Variants in NLRC4 observed in about 807,000 individuals in gnomAD.
The protein encoded by NLRC4 is NLR family CARD domain containing 4.
Under a neutral mutation model 79.9 loss-of-function variants are expected in NLRC4, and 63 were observed. The ratio of observed to expected loss-of-function variants is 0.79; its 90% CI spans 0.64 to 0.97. The LOEUF (loss-of-function observed/expected upper bound fraction) is 0.97, where lower values mean the gene tolerates loss of function less well. Among genes scored for constraint, NLRC4 ranks in the 50% least tolerant of loss-of-function variants. The pLI is 0.00. For missense variants in NLRC4, 1,074 were observed against 1,215.2 expected (o/e 0.88, Z 1.73); for synonymous variants, 461 against 456.5 (o/e 1.01, Z -0.12).
intron 4 of NLRC4, among the ~76,000 whole-genome samples, chr2:32,243,953 G>T (rs1187195953): frequency 6.6e-6 from 1 of 151,438 alleles, no homozygotes; most frequent in Non-Finnish European, 1.5e-5. Flanking sequence ...GAAAACACAT[G>T]TGACATAATC....
At chr2:32,233,345 ATATATTT>A (rs1392579508) in intron 8 of NLRC4, among the ~76,000 whole-genome samples, 13,310 of 61,726 alleles carry the variant, frequency 0.22, 712 homozygotes, top group Non-Finnish European at 0.24. Flanking sequence ...ATATATATAT[ATATATTT>A]TTTTTTTTTT....
chr2:32,261,848 T>C (rs1265340), intron 1 of NLRC4, among the ~76,000 whole-genome samples: 90,906 of 151,316 alleles, frequency 0.6, 27,645 homozygotes, highest in African/African-American at 0.62. Flanking sequence ...TTTGGGAGGC[T>C]GAGGCAGGTG....
chr2:32,226,164 A>G (rs543752987), intron 8 of NLRC4, among the ~76,000 whole-genome samples: 3 of 152,196 alleles, frequency 2.0e-5, no homozygotes, highest in Non-Finnish European at 4.4e-5. Context: ...TTGTCCGACC[A>G]GCTTACGTGG....
Position 32,238,117 on chromosome 2 carries a change from G to A in NLRC4, c.2521+15C>T. The A allele has an allele frequency of 6.2e-7, 1 of 1,603,516 alleles. No individual in the cohort carries two copies. The highest frequency in any genetic ancestry group is 8.5e-7 in the Non-Finnish European group (1 of 1,172,726). On this transcript the variant is annotated intron_variant, in intron 6 of 8. Coordinates refer to ENST00000402280, the MANE Select transcript of NLRC4 (RefSeq NM_001199138.2). ...GTTATACTGTCCTCATTCAGTTAAT[G>A]GAAGCAACAGTTACCTAGGATTTTC...
At chr2:32,259,131 T>A (rs1025440303) in intron 1 of NLRC4, among the ~76,000 whole-genome samples, 4 of 152,066 alleles carry the variant, frequency 2.6e-5, no homozygotes, top group African/African-American at 9.7e-5. Context: ...GGTCTCACTC[T>A]GTCACCCAGG....
rs1192731006 is a variant in NLRC4, at chr2:32,250,103, G to A, written c.1761C>T (p.Asn587=). ...AFFQGKSLYI[N]SGNIPDYLFD... ...ATAAGTAATCGGGGATGTTCCCTGA[G>A]TTGATATATAAGCTTTTACCTTGAA... The change falls in exon 4 of 9, where the codon AAC becomes AAT. Residue 587 remains asparagine, a synonymous_variant. Transcript: ENST00000402280. The surrounding 1 kb of genome is among the most constrained non-coding windows in gnomAD (Gnocchi z 4.9). 6.2e-7 allele frequency: 1 copy of A among 1,614,182 alleles called. No individual in the cohort carries two copies. Among genetic ancestry groups the A allele is most frequent in the Non-Finnish European group, 8.5e-7 (1 of 1,179,994 alleles).
At chr2:32,255,125 C>G (rs1201673111) in intron 2 of NLRC4, among the ~76,000 whole-genome samples, 3 of 151,950 alleles carry the variant, frequency 2.0e-5, no homozygotes, top group South Asian at 2.1e-4. Context: ...AGTCCCATCT[C>G]TCTCCTTCTG....
chr2:32,236,102 A>T, intron 7 of NLRC4, 145 bp downstream of exon 7: 2 of 539,960 alleles, frequency 3.7e-6, no homozygotes, highest in Non-Finnish European at 6.5e-6. Flanking sequence ...AGGGCAGTTT[A>T]AGAAAGGCCT....
At chr2:32,224,897 C>T (rs969547996) in intron 8 of NLRC4, 132 bp from the exon 9 acceptor site, 1 of 557,914 alleles carries the variant, frequency 1.8e-6, no homozygotes, top group Non-Finnish European at 3.1e-6. Context: ...TGCTTTGCCT[C>T]AGAAAGAAAT....
intron 1 of NLRC4, among the ~76,000 whole-genome samples, chr2:32,264,451 A>G (rs1687422471): frequency 6.6e-6 from 1 of 151,174 alleles, no homozygotes; most frequent in Non-Finnish European, 1.5e-5. Flanking sequence ...AAAAAAAAAA[A>G]AGAGTGAGTT....
rs1446296735 is a variant in NLRC4 at position 32,228,999 on chromosome 2, C to G, written c.2783-4234G>C. Reference sequence around the variant, plus strand: ...CAGGCTGGTTTTGAACTCCTGACCTCAAGTGATACACCCACCTTGGCCTCA... The same window carrying G: ...CAGGCTGGTTTTGAACTCCTGACCTGAAGTGATACACCCACCTTGGCCTCA... On this transcript the variant is annotated intron_variant, in intron 8 of 8. Transcript: ENST00000402280. Among the ~76,000 whole-genome samples, 3 of 151,822 alleles carry G rather than the reference C, an allele frequency of 2.0e-5. No homozygotes were observed. In the East Asian group the frequency reaches 5.8e-4, roughly 30 times the overall value.
Position 32,250,898 on chromosome 2 carries a change from C to A in NLRC4, c.966G>T (p.Leu322Phe). ...VLIKELAEGLLLQIQKSRCLR... is the reference protein window; with the variant it reads ...VLIKELAEGLFLQIQKSRCLR... The stretch of plus-strand genomic sequence containing the variant: ...AGCACCTGGATTTCTGAATTTGGAG[C>A]AACAAGCCTTCAGCAAGCTCCTTGA... The change falls in exon 4 of 9, where the codon TTG becomes TTT. Residue 322 changes from leucine (L) to phenylalanine (F), a missense_variant. Physicochemically the swap from Leu to Phe is conservative, Grantham distance 22. Coordinates refer to ENST00000402280, the MANE Select transcript of NLRC4 (RefSeq NM_001199138.2). This position sits in a 1 kb window ranked among gnomAD's most constrained non-coding sequence, Gnocchi z 4.9. 3 of 1,614,134 alleles carry A rather than the reference C, an allele frequency of 1.9e-6. No homozygotes were observed. In the South Asian group the frequency reaches 3.3e-5, roughly 18 times the overall value.
intron 8 of NLRC4, among the ~76,000 whole-genome samples, chr2:32,233,705 CAT>C (rs1279282106): frequency 3.3e-5 from 5 of 152,192 alleles, no homozygotes; most frequent in South Asian, 2.1e-4. Context: ...TGTGGCCTAA[CAT>C]GTGGTCTATC....
chr2:32,239,549 A>T (rs779604768), intron 5 of NLRC4, among the ~76,000 whole-genome samples: 1 of 152,166 alleles, frequency 6.6e-6, no homozygotes, highest in Non-Finnish European at 1.5e-5. Flanking sequence ...AGCGTTAGGG[A>T]TCATTATATC....
rs36105309 is a variant in NLRC4 at position 32,240,401 on chromosome 2, C to CAA, written c.2350+630_2350+631dup. ...GGACTCAAGTAGGGAAAAAAAGAGC[C>CAA]AAAAAAAAAAAAAAAAAAAATCCAA... On this transcript the variant is annotated intron_variant, in intron 5 of 8. Transcript: ENST00000402280. 2.5e-4 allele frequency among the ~76,000 whole-genome samples: 30 copies of CAA among 118,178 alleles called. 1 individual carries two copies. The highest frequency in any genetic ancestry group is 1.4e-3 in the East Asian group (5 of 3,692). 77.5% of individuals were successfully genotyped at this position (118,178 alleles called of 152,430 possible).
Position 32,250,699 on chromosome 2 carries a change from T to A in NLRC4, c.1165A>T (p.Ser389Cys). ...KGVAASDFIR[S>C]LDHCGDLALE... Reference sequence around the variant, plus strand: ...GCTAGGTCTCCACAGTGGTCCAGGCTCCGAATGAAGTCACTTGCAGCCACA... The same window carrying A: ...GCTAGGTCTCCACAGTGGTCCAGGCACCGAATGAAGTCACTTGCAGCCACA... Residue 389 changes from serine to cysteine, a missense_variant, in exon 4 of 9, where the codon AGC becomes TGC. By Grantham distance (112) the Ser-to-Cys change is moderately radical. Transcript: ENST00000402280. The surrounding 1 kb of genome is among the most constrained non-coding windows in gnomAD (Gnocchi z 4.9). The A allele has an allele frequency of 6.2e-7, 1 of 1,614,226 alleles. No individual in the cohort carries two copies. Among genetic ancestry groups the A allele is most frequent in the Non-Finnish European group, 8.5e-7 (1 of 1,180,036 alleles).
At position 32,238,240 on chromosome 2, in the gene NLRC4, C is replaced by T; in HGVS notation, c.2413G>A (p.Gly805Arg). 2 of 1,613,088 alleles carry T rather than the reference C, an allele frequency of 1.2e-6. No individual in the cohort carries two copies. Among genetic ancestry groups the T allele is most frequent in the South Asian group, 1.1e-5 (1 of 90,820 alleles). ...LFHLTHLSDI[G>R]EGMDYIVKSL... ...TTGACTATGTAATCCATTCCCTCTC[C>T]AATGTCAGACAAGTGGGTCAAATGA... The change falls in exon 6 of 9, where the codon GGA becomes AGA. Residue 805 changes from glycine to arginine, a missense_variant. Coordinates refer to ENST00000402280, the MANE Select transcript of NLRC4 (RefSeq NM_001199138.2).
At chr2:32,233,811 G>A (rs146598414) in intron 8 of NLRC4, among the ~76,000 whole-genome samples, 2,021 of 152,270 alleles carry the variant, frequency 0.013, 23 homozygotes, top group Middle Eastern at 0.027. Flanking sequence ...GGTGTATAGT[G>A]CAGATTAAGT....
rs1686788451 is a variant in NLRC4, at chr2:32,241,070, A to T, written c.2313T>A (p.Asp771Glu). The change falls in exon 5 of 9, where the codon GAT becomes GAA. Residue 771 changes from aspartate (D) to glutamate (E), a missense_variant. Transcript: ENST00000402280. ...NLKNLTKLIMDNIKMNEEDAI... is the reference protein window; with the variant it reads ...NLKNLTKLIMENIKMNEEDAI... ...CATCTTCTTCATTCATCTTTATGTTATCCATTATGAGCTTTGTAAGGTTCT... is the reference window on the plus strand; with the variant it reads ...CATCTTCTTCATTCATCTTTATGTTTTCCATTATGAGCTTTGTAAGGTTCT... 5.0e-6 allele frequency: 8 copies of T among 1,609,280 alleles called. No homozygotes were observed. The highest frequency in any genetic ancestry group is 6.8e-6 in the Non-Finnish European group (8 of 1,176,386).
Sources: allele counts gnomAD v4.1 joint callset (sites outside exome capture counted in the v4.1 genomes callset), GRCh38; gene constraint gnomAD v4.1.1; non-coding constraint Gnocchi (gnomAD v3.1); transcripts MANE v1.5; gene names NCBI Gene and HGNC (gene_info 2026-07-23, HGNC 2026-07-21).